The following ZNF254 variants were observed in gnomAD, a reference collection of about 807,000 sequenced individuals.
ZNF254 encodes zinc finger protein 254.
A neutral mutation model predicts 12.4 loss-of-function variants in ZNF254; 10 were observed. The ratio of observed to expected loss-of-function variants is 0.80; its 90% CI spans 0.50 to 1.36. The LOEUF is 1.36. ZNF254 is among the 40% of genes most tolerant of loss of function. The pLI, the probability that ZNF254 is intolerant of heterozygous loss-of-function variation, is 0.00. For missense variants in ZNF254, 996 were observed against 763.9 expected (o/e 1.30, Z -3.58); for synonymous variants, 305 against 253.4 (o/e 1.20, Z -1.93).
chr19:24,107,261 A>G (rs1296127092), intron 3 of ZNF254: 1 of 644,768 alleles, frequency 1.6e-6, no homozygotes, highest in African/African-American at 1.9e-5. Context: ...GAATTTTGAT[A>G]AGGAGTTCTT....
At chr19:24,051,571 G>A (rs1368561243) in intron 2 of ZNF254, among the ~76,000 whole-genome samples, 1 of 152,036 alleles carries the variant, frequency 6.6e-6, no homozygotes, top group African/African-American at 2.4e-5. Context: ...AAGGGATTGT[G>A]ACATACCACT....
Position 24,127,524 on chromosome 19 carries a change from T to C in ZNF254, c.1524T>C (p.His508=). The C allele has an allele frequency of 6.2e-7, 1 of 1,613,498 alleles. No individual in the cohort carries two copies. The highest frequency in any genetic ancestry group is 1.3e-5 in the African/African-American group (1 of 74,944). The change falls in exon 4 of 4, where the codon CAT becomes CAC. Residue 508 remains histidine, a synonymous_variant. Transcript: ENST00000357002. ...GCCAATCCTCAACCCTTACTACACA[T>C]AAGATAATTCATACTGGAGAGAAAC... ...SFSQSSTLTT[H]KIIHTGEKPY...
Position 24,127,180 on chromosome 19 carries a change from A to G in ZNF254, c.1180A>G (p.Thr394Ala), listed in dbSNP as rs1008584926. The change falls in exon 4 of 4, where the codon ACT (threonine) becomes GCT (alanine). Residue 394 changes from threonine to alanine, a missense_variant. Transcript: ENST00000357002. ...GKAFKQLSTL[T>A]THKIIHVGEK... ...AGCTTTTAAGCAACTCTCAACTCTT[A>G]CTACACATAAAATAATTCATGTTGG... 1.2e-5 allele frequency: 19 copies of G among 1,613,462 alleles called. No homozygotes were observed. In the African/African-American group the frequency reaches 1.9e-4, roughly 16 times the overall value.
At chr19:24,123,589 G>C (rs1974630659) in intron 3 of ZNF254, among the ~76,000 whole-genome samples, 2 of 151,024 alleles carry the variant, frequency 1.3e-5, no homozygotes, top group Admixed American at 6.6e-5. Flanking sequence ...CCTAATGTGA[G>C]ACACACACAC....
intron 3 of ZNF254, among the ~76,000 whole-genome samples, chr19:24,114,009 T>A (rs1973875525): frequency 6.6e-6 from 1 of 151,866 alleles, no homozygotes. Flanking sequence ...TACAAACCAC[T>A]GCTCAATGAA....
chr19:24,046,472 T>A (rs992431082), intron 2 of ZNF254, among the ~76,000 whole-genome samples: 3 of 150,582 alleles, frequency 2.0e-5, no homozygotes, highest in African/African-American at 7.4e-5. Flanking sequence ...CTGGTAATTT[T>A]CCCTCAAATC....
chr19:24,035,492 C>T (rs940914328), intron 1 of ZNF254, among the ~76,000 whole-genome samples: 2 of 151,998 alleles, frequency 1.3e-5, no homozygotes, highest in African/African-American at 4.8e-5. Context: ...GAACATAGGC[C>T]GAGTGCGGTA....
At chr19:24,042,446 A>C (rs950142886) in intron 1 of ZNF254, among the ~76,000 whole-genome samples, 1 of 152,122 alleles carries the variant, frequency 6.6e-6, no homozygotes, top group African/African-American at 2.4e-5. Context: ...TTTGCAGTAA[A>C]TCTTGCTACT....
At chr19:24,125,523 A>T (rs1242408339) in intron 3 of ZNF254, among the ~76,000 whole-genome samples, 1 of 152,138 alleles carries the variant, frequency 6.6e-6, no homozygotes, top group Non-Finnish European at 1.5e-5. Context: ...AAAAAAAGCT[A>T]CTTGTCAAAA....
intron 2 of ZNF254, among the ~76,000 whole-genome samples, chr19:24,051,143 C>T (rs1384754038): frequency 6.6e-6 from 1 of 152,102 alleles, no homozygotes; most frequent in Non-Finnish European, 1.5e-5. Context: ...ATCTCTGAGA[C>T]CGTTAATTAG....
chr19:24,093,597 G>A (rs1156273050), intron 1 of ZNF254, among the ~76,000 whole-genome samples: 3 of 152,126 alleles, frequency 2.0e-5, no homozygotes, highest in Non-Finnish European at 4.4e-5. Flanking sequence ...GATGGTTGTA[G>A]GTGAGTGACA....
At chr19:24,034,404 AGGCT>A (rs2145143840) in intron 1 of ZNF254, among the ~76,000 whole-genome samples, 1 of 149,698 alleles carries the variant, frequency 6.7e-6, no homozygotes, top group East Asian at 2.0e-4. Context: ...TGGGGTTGGG[AGGCT>A]TTTTCTGGGA....
chr19:24,075,090 A>G (rs1971611382), intron 2 of ZNF254, among the ~76,000 whole-genome samples: 1 of 152,204 alleles, frequency 6.6e-6, no homozygotes, highest in Non-Finnish European at 1.5e-5. Flanking sequence ...TCAGGAGGGT[A>G]TTATGAAATA....
At chr19:24,065,919 C>A (rs1257537231) in intron 2 of ZNF254, 2 of 152,164 alleles carry the variant, frequency 1.3e-5, no homozygotes, top group East Asian at 3.9e-4. Context: ...CAATGCCCAT[C>A]ATCATGGTAA....
chr19:24,113,469 T>C (rs1026125846), intron 3 of ZNF254, among the ~76,000 whole-genome samples: 6 of 152,144 alleles, frequency 3.9e-5, no homozygotes, highest in African/African-American at 1.4e-4. Flanking sequence ...AAAAGGCCTT[T>C]GACAAAATTC....
intron 2 of ZNF254, among the ~76,000 whole-genome samples, chr19:24,073,423 C>T (rs933194537): frequency 1.3e-5 from 2 of 152,026 alleles, no homozygotes; most frequent in Admixed American, 6.6e-5. Flanking sequence ...TGAATCCATA[C>T]CAGGAAGAAA....
At chr19:24,049,311 A>G (rs1189384524) in intron 2 of ZNF254, 1 of 148,206 alleles carries the variant, frequency 6.7e-6, no homozygotes, top group Non-Finnish European at 1.5e-5. Flanking sequence ...GGCTCAAAGT[A>G]TCCTCCCGCC....
intron 2 of ZNF254, among the ~76,000 whole-genome samples, chr19:24,069,271 G>A (rs1971392434): frequency 6.7e-6 from 1 of 148,240 alleles, no homozygotes. Flanking sequence ...CTCCCAAAAT[G>A]CTGGGATTAT....
At chr19:24,105,685 A>G (rs1973297188) in intron 1 of ZNF254, 2 of 355,550 alleles carry the variant, frequency 5.6e-6, no homozygotes, top group Non-Finnish European at 9.9e-6. Context: ...GTTAGTGTTT[A>G]TGCCTTCAAT....
Sources: gnomAD v4.1 joint callset for allele counts (sites outside exome capture counted in the v4.1 genomes callset) on GRCh38, gnomAD v4.1.1 for gene constraint, MANE v1.5 for transcripts, NCBI Gene and HGNC (gene_info 2026-07-23, HGNC 2026-07-21) for gene names.